The following LAMP3 variants were observed in gnomAD, a reference collection of about 807,000 sequenced individuals.
LAMP3 encodes lysosome-associated membrane glycoprotein 3.
LAMP3 carries 26 observed loss-of-function variants against 34.8 expected under a neutral mutation model. The observed-to-expected ratio is 0.75, with a 90% confidence interval of 0.55 to 1.04. The LOEUF (loss-of-function observed/expected upper bound fraction) is 1.04, where lower values mean the gene tolerates loss of function less well. Among genes scored for constraint, LAMP3 ranks in the 50% least tolerant of loss-of-function variants. The pLI, the probability that LAMP3 is intolerant of heterozygous loss-of-function variation, is 0.00. For missense variants in LAMP3, 495 were observed against 524.0 expected, an observed-to-expected ratio of 0.94 and a Z score of 0.54; for synonymous variants, 180 against 201.9, an observed-to-expected ratio of 0.89 and a Z score of 0.92.
intron 5 of LAMP3, among the ~76,000 whole-genome samples, chr3:183,131,252 C>T (rs1719910025): frequency 6.6e-6 from 1 of 152,194 alleles, no homozygotes. Flanking sequence ...CTTCTTGTTT[C>T]ATCTGCTAGG....
rs545880163 is a variant in LAMP3, at chr3:183,129,891, T to G, written c.1118-5677A>C. ...AAGTCAGTAAGTTAAAATGAGGTCATTAGGGTGGGCCTCTATCCAATATGA... is the reference window on the plus strand; with the variant it reads ...AAGTCAGTAAGTTAAAATGAGGTCAGTAGGGTGGGCCTCTATCCAATATGA... On this transcript the variant is annotated intron_variant, in intron 5 of 5. Coordinates refer to ENST00000265598, the MANE Select transcript of LAMP3 (RefSeq NM_014398.4). 2.0e-5 allele frequency among the ~76,000 whole-genome samples: 3 copies of G among 152,244 alleles called. No homozygotes were observed. In the East Asian group the frequency reaches 5.8e-4, roughly 29 times the overall value.
chr3:183,146,602 A>G (rs1720448076), intron 3 of LAMP3, among the ~76,000 whole-genome samples: 1 of 145,776 alleles, frequency 6.9e-6, no homozygotes, highest in African/African-American at 2.6e-5. Context: ...ATCTCGGCTC[A>G]CTGCAACTTC....
chr3:183,137,266 G>T (rs575013357), intron 4 of LAMP3, among the ~76,000 whole-genome samples: 9 of 150,452 alleles, frequency 6.0e-5, no homozygotes, highest in African/African-American at 2.2e-4. Context: ...TTGCAGTAAG[G>T]TGAGATCGTG....
At position 183,154,493 on chromosome 3, in the gene LAMP3, T is replaced by C. The variant is rs999295921; in HGVS notation, c.50-102A>G. On this transcript the variant is annotated intron_variant, in intron 1 of 5. Coordinates refer to ENST00000265598, the MANE Select transcript of LAMP3 (RefSeq NM_014398.4). ...TGTCTGTTCATAAAAAAACCTAACATGCATATTTTTATACTTGGGGGAAAT... is the reference window on the plus strand; with the variant it reads ...TGTCTGTTCATAAAAAAACCTAACACGCATATTTTTATACTTGGGGGAAAT... The C allele has an allele frequency of 1.1e-5, 10 of 884,200 alleles. No homozygotes were observed. The Admixed American group carries it at 1.9e-4, about 17-fold the overall frequency. The allele number at this position is 884,200 out of a possible 1,614,324, so 54.8% of individuals were successfully genotyped here.
At chr3:183,148,216 A>G (rs568577611) in intron 3 of LAMP3, among the ~76,000 whole-genome samples, 22 of 152,336 alleles carry the variant, frequency 1.4e-4, no homozygotes, top group Middle Eastern at 3.4e-3. Flanking sequence ...CTTTGAAACC[A>G]CTAAAAGAAA....
At chr3:183,156,382 C>CAACAACAAA (rs1379277188) in intron 1 of LAMP3, among the ~76,000 whole-genome samples, 1 of 151,810 alleles carries the variant, frequency 6.6e-6, no homozygotes, top group Non-Finnish European at 1.5e-5. Flanking sequence ...ACAACAACAA[C>CAACAACAAA]AAACAGACGA....
chr3:183,123,157 G>A lies in LAMP3; in HGVS notation c.*924C>T, dbSNP rs960820056. ...CCTAATTCTTAGTCTAGCGATTCTG[G>A]AGCAGGAGTCATCAAGATAAAAAAT... On this transcript the variant is annotated 3_prime_UTR_variant, in exon 6 of 6. Coordinates refer to ENST00000265598, the MANE Select transcript of LAMP3 (RefSeq NM_014398.4). 3 of 152,102 alleles carry A rather than the reference G, an allele frequency of 2.0e-5. No individual in the cohort carries two copies. Among genetic ancestry groups the A allele is most frequent in the African/African-American group, 7.2e-5 (3 of 41,418 alleles). 9.4% of individuals were successfully genotyped at this position (152,102 alleles called of 1,614,324 possible).
At chr3:183,145,535 G>A (rs1720413226) in intron 3 of LAMP3, among the ~76,000 whole-genome samples, 1 of 152,128 alleles carries the variant, frequency 6.6e-6, no homozygotes, top group Non-Finnish European at 1.5e-5. Flanking sequence ...TTATGTTGTT[G>A]TCATTGGTAG....
intron 5 of LAMP3, among the ~76,000 whole-genome samples, chr3:183,130,948 G>T (rs1429427082): frequency 2.6e-5 from 4 of 152,174 alleles, no homozygotes; most frequent in Admixed American, 1.3e-4. Flanking sequence ...GGGGAGGCAG[G>T]TGAGGAGCCC....
At chr3:183,126,485 A>G (rs1314952454) in intron 5 of LAMP3, among the ~76,000 whole-genome samples, 1 of 152,134 alleles carries the variant, frequency 6.6e-6, no homozygotes, top group African/African-American at 2.4e-5. Context: ...CATTTCTTCT[A>G]TTTGAATCAA....
intron 3 of LAMP3, among the ~76,000 whole-genome samples, chr3:183,147,956 A>G (rs1455536203): frequency 6.6e-6 from 1 of 152,154 alleles, no homozygotes; most frequent in Admixed American, 6.6e-5. Flanking sequence ...GGTTCATGCA[A>G]TCATTCCACC....
At chr3:183,132,669 G>A (rs1719961146) in intron 5 of LAMP3, 9 of 985,288 alleles carry the variant, frequency 9.1e-6, no homozygotes, top group Non-Finnish European at 9.6e-6. Context: ...CCAGCACTGC[G>A]GTAGCCCTTT....
intron 1 of LAMP3, among the ~76,000 whole-genome samples, chr3:183,158,478 C>T (rs923375691): frequency 6.7e-6 from 1 of 148,432 alleles, no homozygotes; most frequent in Non-Finnish European, 1.5e-5. Context: ...CTGCCCACCC[C>T]CACCCCACCC....
chr3:183,127,692 T>A (rs1719814167), intron 5 of LAMP3, among the ~76,000 whole-genome samples: 1 of 152,228 alleles, frequency 6.6e-6, no homozygotes, highest in Admixed American at 6.5e-5. Context: ...AAGCCCACAG[T>A]GCCAGCAGCC....
intron 5 of LAMP3, among the ~76,000 whole-genome samples, chr3:183,127,910 T>A (rs531362649): frequency 6.6e-5 from 10 of 152,168 alleles, no homozygotes; most frequent in African/African-American, 2.2e-4. Context: ...GGCAGGTGGA[T>A]CTCAAGGTCA....
intron 4 of LAMP3, among the ~76,000 whole-genome samples, chr3:183,136,693 G>T (rs755686939): frequency 6.7e-6 from 1 of 149,276 alleles, no homozygotes; most frequent in Non-Finnish European, 1.5e-5. Context: ...AGGGGTTGTT[G>T]CATCCATCCA....
At chr3:183,144,545 G>C (rs1720383390) in intron 3 of LAMP3, among the ~76,000 whole-genome samples, 1 of 152,142 alleles carries the variant, frequency 6.6e-6, no homozygotes, top group Admixed American at 6.6e-5. Context: ...TCTAGGCAGA[G>C]GGAAAAGTAC....
chr3:183,125,839 G>C (rs1377356487), intron 5 of LAMP3, among the ~76,000 whole-genome samples: 1 of 151,920 alleles, frequency 6.6e-6, no homozygotes, highest in Non-Finnish European at 1.5e-5. Flanking sequence ...TACCATGCTG[G>C]GCCAATTTTT....
chr3:183,136,555 G>GCAGGAGAATCGCTTGAACC, intron 4 of LAMP3, among the ~76,000 whole-genome samples: 1 of 151,982 alleles, frequency 6.6e-6, no homozygotes, highest in East Asian at 1.9e-4. Context: ...GGAGGCTGAG[G>GCAGGAGAATCGCTTGAACC]CAGGAGAATC....
Sources: gnomAD v4.1 joint callset for allele counts (sites outside exome capture counted in the v4.1 genomes callset) on GRCh38, gnomAD v4.1.1 for gene constraint, MANE v1.5 for transcripts, NCBI Gene and HGNC (gene_info 2026-07-23, HGNC 2026-07-21) for gene names.